The following C5orf58 variants were observed in gnomAD, a reference collection of about 807,000 sequenced individuals.
C5orf58 encodes putative uncharacterized protein C5orf58.
A neutral mutation model predicts 2.9 loss-of-function variants in C5orf58; 2 were observed. That is an observed-to-expected ratio of 0.69 (90% CI 0.28 to 2.18). The LOEUF (loss-of-function observed/expected upper bound fraction) is 2.18. Ranked by LOEUF, C5orf58 falls within the 30% of genes most tolerant of loss-of-function variation. The pLI is 0.13. For missense variants in C5orf58, 96 were observed against 91.7 expected (o/e 1.05, Z -0.19); for synonymous variants, 37 against 33.4 (o/e 1.11, Z -0.37).
intron 3 of C5orf58, among the ~76,000 whole-genome samples, chr5:170,238,957 C>T (rs1760859515): frequency 6.6e-6 from 1 of 152,170 alleles, no homozygotes; most frequent in Non-Finnish European, 1.5e-5. Flanking sequence ...GGGCACTCCA[C>T]AGAATGGAGG....
downstream of C5orf58, chr5:170,250,681 G>C: frequency 6.8e-7 from 1 of 1,467,472 alleles, no homozygotes; most frequent in Non-Finnish European, 9.6e-7. Flanking sequence ...GGCATGCAGA[G>C]TGGCATAAAT....
At chr5:170,252,519 T>C, downstream of C5orf58, 1 of 1,455,610 alleles carries the variant, frequency 6.9e-7, no homozygotes. Flanking sequence ...ATTCTGAAAA[T>C]GTAAATTTTT....
At chr5:170,251,407 T>A (rs984335488) in intron 2 of C5orf58, 3 of 214,918 alleles carry the variant, frequency 1.4e-5, no homozygotes, top group African/African-American at 6.9e-5. Context: ...ATGCAGATGT[T>A]CTCTTTTCTT....
In C5orf58 at chr5:170,238,675, A is replaced by G. The variant is rs183670045; in HGVS notation, c.94+3605A>G. ...TTCAGTCTACTGAGAGAACAAAAAGATCTGTAAAGCTTCTGAAAACAAAAC... is the reference window on the plus strand; with the variant it reads ...TTCAGTCTACTGAGAGAACAAAAAGGTCTGTAAAGCTTCTGAAAACAAAAC... On this transcript the variant is annotated intron_variant, in intron 3 of 3. Coordinates refer to ENST00000593851, the MANE Select transcript of C5orf58 (RefSeq NM_001102609.3). Among the ~76,000 whole-genome samples, 13 of 152,326 alleles carry G rather than the reference A, an allele frequency of 8.5e-5. No individual in the cohort carries two copies. In the East Asian group the frequency reaches 2.5e-3, roughly 29 times the overall value.
chr5:170,240,953 T>C (rs1184956627), intron 3 of C5orf58, among the ~76,000 whole-genome samples: 3 of 151,300 alleles, frequency 2.0e-5, no homozygotes, highest in African/African-American at 4.9e-5. Context: ...GATTTTTGTA[T>C]AAGGTGTAAG....
Position 170,235,750 on chromosome 5 carries a change from A to G in C5orf58, c.94+680A>G, listed in dbSNP as rs565099960. ...TTTCTAACCATGAAAACTACACTGA[A>G]TATGTAGTTATTCTTTTTAAAACAA... On this transcript the variant is annotated intron_variant, in intron 3 of 3. Coordinates refer to ENST00000593851, the MANE Select transcript of C5orf58 (RefSeq NM_001102609.3). Among the ~76,000 whole-genome samples, 9 of 152,166 alleles carry G rather than the reference A, an allele frequency of 5.9e-5. No individual in the cohort carries two copies. The South Asian group carries it at 1.0e-3, about 17-fold the overall frequency.
intron 3 of C5orf58, among the ~76,000 whole-genome samples, chr5:170,239,865 G>A (rs893915042): frequency 8.6e-5 from 13 of 151,878 alleles, no homozygotes; most frequent in African/African-American, 2.9e-4. Flanking sequence ...ATGCTGGTGC[G>A]CTGCACCCAC....
chr5:170,244,756 G>A (rs922882203), intron 3 of C5orf58, among the ~76,000 whole-genome samples: 6 of 152,016 alleles, frequency 3.9e-5, no homozygotes, highest in South Asian at 2.1e-4. Context: ...TAATTTGATC[G>A]TCTGAAGCCT....
intron 3 of C5orf58, among the ~76,000 whole-genome samples, chr5:170,235,858 T>TAA (rs1218590850): frequency 1.3e-5 from 2 of 152,102 alleles, no homozygotes; most frequent in African/African-American, 4.8e-5. Flanking sequence ...ACTTATACAA[T>TAA]AAGGAAAAAC....
intron 3 of C5orf58, among the ~76,000 whole-genome samples, chr5:170,241,493 A>T (rs1411220134): frequency 6.6e-6 from 1 of 150,618 alleles, no homozygotes; most frequent in Non-Finnish European, 1.5e-5. Context: ...GGTCCTTCAC[A>T]TCCCTTGTAA....
intron 2 of C5orf58, chr5:170,251,521 A>T (rs569553826): frequency 1.7e-5 from 6 of 362,458 alleles, no homozygotes; most frequent in Non-Finnish European, 3.4e-5. Context: ...TAAAGATCTA[A>T]TATTAAAATA....
At chr5:170,248,819 C>T, downstream of C5orf58, 9 of 1,611,662 alleles carry the variant, frequency 5.6e-6, no homozygotes, top group Middle Eastern at 1.7e-4. Context: ...GACAGAAAGT[C>T]CTGAAAGAGT....
At chr5:170,250,774 C>T (rs1433501291), downstream of C5orf58, 1 of 1,613,240 alleles carries the variant, frequency 6.2e-7, no homozygotes, top group East Asian at 2.2e-5. Context: ...ACTTGACTTT[C>T]CTTCTGATAA....
intron 3 of C5orf58, among the ~76,000 whole-genome samples, chr5:170,245,563 G>A (rs1761236566): frequency 6.6e-6 from 1 of 152,154 alleles, no homozygotes; most frequent in African/African-American, 2.4e-5. Context: ...CCCTTTCTTT[G>A]ACTCGGAAAG....
At chr5:170,250,523 AAAAGATATACAAG>A (rs1761411364), downstream of C5orf58, among the ~76,000 whole-genome samples, 1 of 152,242 alleles carries the variant, frequency 6.6e-6, no homozygotes, top group Non-Finnish European at 1.5e-5. Flanking sequence ...TATTTGAAAG[AAAAGATATACAAG>A]AAAGAATCCT....
intron 3 of C5orf58, among the ~76,000 whole-genome samples, chr5:170,239,820 A>C (rs920761605): frequency 5.9e-5 from 9 of 151,924 alleles, no homozygotes; most frequent in African/African-American, 1.9e-4. Context: ...ACATGTGCAC[A>C]TTGTGCAGGT....
At chr5:170,237,499 T>C in intron 3 of C5orf58, 1 of 387,294 alleles carries the variant, frequency 2.6e-6, no homozygotes, top group Non-Finnish European at 4.6e-6. Flanking sequence ...AATCCACAAG[T>C]AAAGAGATTC....
downstream of C5orf58, chr5:170,248,439 G>T: frequency 1.3e-5 from 4 of 313,964 alleles, no homozygotes; most frequent in Non-Finnish European, 2.4e-5. Flanking sequence ...TTTAAAAAAT[G>T]AATTATTACA....
downstream of C5orf58, among the ~76,000 whole-genome samples, chr5:170,249,914 G>A (rs976139347): frequency 6.6e-6 from 1 of 152,220 alleles, no homozygotes; most frequent in Non-Finnish European, 1.5e-5. Context: ...GATAAATCTT[G>A]AAGGGCAAAT....
Sources: gnomAD v4.1 joint callset for allele counts (sites outside exome capture counted in the v4.1 genomes callset) on GRCh38, gnomAD v4.1.1 for gene constraint, MANE v1.5 for transcripts, NCBI Gene and HGNC (gene_info 2026-07-23, HGNC 2026-07-21) for gene names.